The following CNTN5 variants were observed in gnomAD, a reference collection of about 807,000 sequenced individuals.
The protein encoded by CNTN5 is contactin-5.
A neutral mutation model predicts 129.1 loss-of-function variants in CNTN5; 77 were observed. That is an observed-to-expected ratio of 0.60 (90% CI 0.50 to 0.72). The LOEUF is 0.72. CNTN5 is among the 30% of genes least tolerant of loss of function. The pLI is 0.00. For missense variants in CNTN5, 1,478 were observed against 1,328.8 expected, an observed-to-expected ratio of 1.11 and a Z score of -1.75; for synonymous variants, 509 against 465.6, an observed-to-expected ratio of 1.09 and a Z score of -1.20.
chr11:99,710,186 A>C (rs570587094), intron 3 of CNTN5, among the ~76,000 whole-genome samples: 150 of 151,882 alleles, frequency 9.9e-4, no homozygotes, highest in Non-Finnish European at 1.7e-3. Flanking sequence ...CACCTTCTAT[A>C]GTCCCATTCT....
intron 13 of CNTN5, among the ~76,000 whole-genome samples, chr11:100,086,996 G>T (rs1384727369): frequency 6.6e-6 from 1 of 151,490 alleles, no homozygotes; most frequent in Non-Finnish European, 1.5e-5. Context: ...AAAAGTAAAT[G>T]CAAGAAAATA....
At chr11:100,283,787 A>T (rs1415209378) in intron 18 of CNTN5, among the ~76,000 whole-genome samples, 1 of 152,070 alleles carries the variant, frequency 6.6e-6, no homozygotes, top group Non-Finnish European at 1.5e-5. Flanking sequence ...CTCTACTGAA[A>T]ATACAAAAAT....
At chr11:99,451,607 A>G (rs1421461006) in intron 2 of CNTN5, among the ~76,000 whole-genome samples, 2 of 152,200 alleles carry the variant, frequency 1.3e-5, no homozygotes, top group Non-Finnish European at 2.9e-5. Context: ...AAGCATCATA[A>G]GAGCAGAATT....
At chr11:99,465,255 C>T (rs967556502) in intron 2 of CNTN5, among the ~76,000 whole-genome samples, 21 of 152,008 alleles carry the variant, frequency 1.4e-4, no homozygotes, top group African/African-American at 4.8e-4. Context: ...TTGATTTAGC[C>T]CCCCACAGCT....
chr11:99,978,379 G>A (rs1274081138), intron 8 of CNTN5, among the ~76,000 whole-genome samples: 1 of 152,176 alleles, frequency 6.6e-6, no homozygotes, highest in Non-Finnish European at 1.5e-5. Flanking sequence ...AGTGTGCCGT[G>A]TTTATAAAGT....
intron 2 of CNTN5, among the ~76,000 whole-genome samples, chr11:99,465,321 A>G (rs1944888461): frequency 6.6e-6 from 1 of 152,150 alleles, no homozygotes; most frequent in South Asian, 2.1e-4. Context: ...CTGGGCTTAA[A>G]TTGTTTTTAT....
At chr11:100,312,727 A>G (rs2138935019) in intron 21 of CNTN5, among the ~76,000 whole-genome samples, 1 of 152,170 alleles carries the variant, frequency 6.6e-6, no homozygotes, top group East Asian at 1.9e-4. Context: ...TTCTAGCCAT[A>G]ATTTTAACTT....
chr11:99,272,146 A>G (rs1389766956), intron 1 of CNTN5, among the ~76,000 whole-genome samples: 3 of 151,922 alleles, frequency 2.0e-5, no homozygotes, highest in East Asian at 3.9e-4. Flanking sequence ...CAGAGCACCT[A>G]AGTATCTTTC....
In CNTN5 at chr11:99,909,590, A is replaced by C. The variant is rs532442846; in HGVS notation, c.578-6464A>C. ...ATGTCCAACAATGATAGACTGGATT[A>C]AGAAAATGTGGCACATATAAACCAT... On this transcript the variant is annotated intron_variant, in intron 6 of 24. Transcript: ENST00000524871. 1.6e-4 allele frequency among the ~76,000 whole-genome samples: 24 copies of C among 152,298 alleles called. No homozygotes were observed. The East Asian group carries it at 4.4e-3, about 28-fold the overall frequency.
intron 7 of CNTN5, among the ~76,000 whole-genome samples, chr11:99,934,472 T>A (rs2136086832): frequency 6.6e-6 from 1 of 152,346 alleles, no homozygotes; most frequent in South Asian, 2.1e-4. Flanking sequence ...AATATATATA[T>A]AATTGCTATA....
At chr11:99,159,224 A>G (rs1367252336) in intron 1 of CNTN5, among the ~76,000 whole-genome samples, 3 of 152,194 alleles carry the variant, frequency 2.0e-5, no homozygotes, top group Non-Finnish European at 2.9e-5. Flanking sequence ...AGTTAGACAT[A>G]TTTTTAAAAA....
chr11:99,934,257 C>G (rs760896914), intron 7 of CNTN5, among the ~76,000 whole-genome samples: 1 of 152,136 alleles, frequency 6.6e-6, no homozygotes, highest in African/African-American at 2.4e-5. Context: ...GTTATATTTA[C>G]TTGCTTTTTC....
intron 6 of CNTN5, among the ~76,000 whole-genome samples, chr11:99,849,090 G>T (rs1026221248): frequency 2.0e-4 from 30 of 151,722 alleles, no homozygotes; most frequent in African/African-American, 7.3e-4. Flanking sequence ...CATAAAAAAG[G>T]TACTAATTTG....
chr11:99,151,237 G>A (rs555541354), intron 1 of CNTN5, among the ~76,000 whole-genome samples: 1 of 151,994 alleles, frequency 6.6e-6, no homozygotes, highest in East Asian at 1.9e-4. Context: ...AAGTATCCTA[G>A]AAAGATAGAT....
At chr11:99,144,036 T>A (rs750917771) in intron 1 of CNTN5, among the ~76,000 whole-genome samples, 41 of 152,216 alleles carry the variant, frequency 2.7e-4, no homozygotes, top group Non-Finnish European at 4.4e-4. Context: ...TATGAAATCA[T>A]AATGAATATA....
chr11:99,757,160 G>A (rs1381954886), intron 3 of CNTN5, among the ~76,000 whole-genome samples: 2 of 151,874 alleles, frequency 1.3e-5, no homozygotes, highest in East Asian at 1.9e-4. Context: ...TTAGCTTCTG[G>A]TATTGTCAAC....
chr11:99,642,360 T>TC (rs1219940896), intron 3 of CNTN5, among the ~76,000 whole-genome samples: 3 of 152,198 alleles, frequency 2.0e-5, no homozygotes, highest in African/African-American at 7.2e-5. Flanking sequence ...CTTAATATCT[T>TC]TCAAGTTGGA....
At chr11:99,796,379 G>T (rs935804158) in intron 3 of CNTN5, among the ~76,000 whole-genome samples, 1 of 152,068 alleles carries the variant, frequency 6.6e-6, no homozygotes, top group African/African-American at 2.4e-5. Context: ...CTGTATGCAT[G>T]TGTGCTGGCA....
chr11:99,067,770 CTA>C (rs1865163257), intron 1 of CNTN5, among the ~76,000 whole-genome samples: 2 of 152,108 alleles, frequency 1.3e-5, no homozygotes, highest in African/African-American at 4.8e-5. Context: ...CTCTAATATT[CTA>C]TGACTCATTT....
Sources: allele counts gnomAD v4.1 joint callset (sites outside exome capture counted in the v4.1 genomes callset), GRCh38; gene constraint gnomAD v4.1.1; transcripts MANE v1.5; gene names NCBI Gene and HGNC (gene_info 2026-07-23, HGNC 2026-07-21).